ELOVL2: variants seen among roughly 807,000 people sequenced by gnomAD.
ELOVL2 encodes the protein ELOVL fatty acid elongase 2, also known as very long chain fatty acid elongase 2.
ELOVL2 carries 38 observed loss-of-function variants against 37.7 expected under a neutral mutation model. That is an observed-to-expected ratio of 1.01 (90% CI 0.78 to 1.32). The LOEUF is 1.32. Among genes scored for constraint, ELOVL2 ranks in the 40% most tolerant of loss-of-function variants. The probability of loss-of-function intolerance (pLI) is 0.00; values close to 1 mark genes in which losing one functional copy is unlikely to be tolerated. For missense variants in ELOVL2, 352 were observed against 363.6 expected, an observed-to-expected ratio of 0.97 and a Z score of 0.26; for synonymous variants, 115 against 122.3, an observed-to-expected ratio of 0.94 and a Z score of 0.40.
intron 1 of ELOVL2, among the ~76,000 whole-genome samples, chr6:11,038,838 A>G (rs1170840087): frequency 6.6e-6 from 1 of 152,226 alleles, no homozygotes; most frequent in Non-Finnish European, 1.5e-5. Context: ...AATTGTGATA[A>G]TTAAATAATT....
intron 1 of ELOVL2, among the ~76,000 whole-genome samples, chr6:11,025,712 T>C (rs1304941721): frequency 1.3e-5 from 2 of 151,944 alleles, no homozygotes; most frequent in African/African-American, 4.9e-5. Context: ...ATGTCTTCCC[T>C]TGTCTATTAG....
chr6:11,038,654 C>T (rs1259046720), intron 1 of ELOVL2, among the ~76,000 whole-genome samples: 2 of 152,000 alleles, frequency 1.3e-5, no homozygotes, highest in African/African-American at 4.8e-5. Context: ...TCATTAAAAA[C>T]TTATGATGAA....
At chr6:11,019,333 T>C (rs1330795766) in intron 1 of ELOVL2, among the ~76,000 whole-genome samples, 1 of 152,212 alleles carries the variant, frequency 6.6e-6, no homozygotes, top group Non-Finnish European at 1.5e-5. Flanking sequence ...TAGTATATTT[T>C]AAAATTTTGG....
At chr6:11,015,372 A>T (rs532999827) in intron 1 of ELOVL2, among the ~76,000 whole-genome samples, 1 of 152,240 alleles carries the variant, frequency 6.6e-6, no homozygotes, top group East Asian at 1.9e-4. Flanking sequence ...TGCAGAAAAG[A>T]CTCAAGACAA....
intron 1 of ELOVL2, among the ~76,000 whole-genome samples, chr6:11,042,174 G>T (rs147877695): frequency 1.3e-5 from 2 of 152,070 alleles, no homozygotes; most frequent in Non-Finnish European, 2.9e-5. Flanking sequence ...TTGGCCTGGT[G>T]TGGTGACGTG....
intron 1 of ELOVL2, among the ~76,000 whole-genome samples, chr6:11,018,889 T>A (rs957508917): frequency 2.0e-5 from 3 of 152,218 alleles, no homozygotes; most frequent in Non-Finnish European, 4.4e-5. Context: ...ATTTAGTAAT[T>A]AGTGGGCTAT....
intron 1 of ELOVL2, among the ~76,000 whole-genome samples, chr6:11,027,186 AAAAGT>A (rs1266003537): frequency 4.6e-5 from 7 of 152,246 alleles, no homozygotes; most frequent in Non-Finnish European, 8.8e-5. Context: ...AAATAACTTT[AAAAGT>A]ATAGTATAAA....
At chr6:11,031,644 G>GA (rs1467992909) in intron 1 of ELOVL2, among the ~76,000 whole-genome samples, 2 of 152,008 alleles carry the variant, frequency 1.3e-5, no homozygotes, top group African/African-American at 2.4e-5. Context: ...CCTTTAAAAA[G>GA]AAAAAATCTG....
At chr6:10,999,806 G>C (rs1251662662) in intron 4 of ELOVL2, among the ~76,000 whole-genome samples, 1 of 152,154 alleles carries the variant, frequency 6.6e-6, no homozygotes. Flanking sequence ...AGTTGCTTTT[G>C]TTCATGTAAC....
chr6:10,989,968 C>T, intron 6 of ELOVL2, 131 bp from the exon 7 acceptor site: 1 of 1,014,814 alleles, frequency 9.9e-7, no homozygotes, highest in Non-Finnish European at 1.4e-6. Flanking sequence ...AACAAAGCTG[C>T]TGAAGCAGCC....
chr6:11,012,339 C>T (rs1782599112), intron 1 of ELOVL2, among the ~76,000 whole-genome samples: 1 of 152,126 alleles, frequency 6.6e-6, no homozygotes, highest in Admixed American at 6.5e-5. Flanking sequence ...TAGGGCATCT[C>T]GGGAGGCCCC....
intron 1 of ELOVL2, among the ~76,000 whole-genome samples, chr6:11,021,356 TG>T (rs1340365716): frequency 1.3e-5 from 2 of 152,230 alleles, no homozygotes; most frequent in African/African-American, 4.8e-5. Context: ...AATAAGCATT[TG>T]TGAAAAGCGT....
At chr6:11,030,210 G>A (rs1782900846) in intron 1 of ELOVL2, among the ~76,000 whole-genome samples, 1 of 152,094 alleles carries the variant, frequency 6.6e-6, no homozygotes, top group Non-Finnish European at 1.5e-5. Flanking sequence ...CATGGATGTG[G>A]AGTCTGACCT....
At chr6:11,035,112 G>C (rs1443055119) in intron 1 of ELOVL2, among the ~76,000 whole-genome samples, 23 of 152,190 alleles carry the variant, frequency 1.5e-4, no homozygotes, top group Non-Finnish European at 2.9e-5. Flanking sequence ...TCAGAGTATA[G>C]TGTTCCATAA....
At chr6:11,007,800 G>A (rs1434416475) in intron 2 of ELOVL2, among the ~76,000 whole-genome samples, 2 of 152,170 alleles carry the variant, frequency 1.3e-5, no homozygotes, top group Non-Finnish European at 2.9e-5. Context: ...GTAGTGCTGA[G>A]TTAAGAGGAA....
chr6:11,003,947 G>A (rs1185303886), intron 3 of ELOVL2, among the ~76,000 whole-genome samples: 3 of 152,040 alleles, frequency 2.0e-5, no homozygotes, highest in African/African-American at 7.2e-5. Flanking sequence ...GCCAGGATTG[G>A]TGGTGGGTGC....
chr6:10,995,268 G>A, intron 4 of ELOVL2, 90 bp from the exon 5 acceptor site: 3 of 979,232 alleles, frequency 3.1e-6, no homozygotes, highest in East Asian at 2.5e-5. Context: ...TGCTGCCTGT[G>A]GTTTCCTGCT....
In ELOVL2 at chr6:10,983,574, C is replaced by T. The variant is rs940334645; in HGVS notation, c.*207G>A. On this transcript the variant is annotated 3_prime_UTR_variant, in exon 8 of 8. Transcript: ENST00000354666. ...GAAGCTGCACCAGTTCTGAGGTCCT[C>T]GGAGGTGAGCATCACCTCAATGCTG... is the stretch of plus-strand genomic sequence containing the variant. 2.4e-5 allele frequency: 11 copies of T among 464,534 alleles called. No individual in the cohort carries two copies. The highest frequency in any genetic ancestry group is 4.1e-5 in the East Asian group (1 of 24,146). 28.8% of individuals were successfully genotyped at this position (464,534 alleles called of 1,614,324 possible).
chr6:11,034,824 G>A (rs1288128374), intron 1 of ELOVL2, among the ~76,000 whole-genome samples: 1 of 151,950 alleles, frequency 6.6e-6, no homozygotes, highest in Non-Finnish European at 1.5e-5. Context: ...CCAACATGGT[G>A]AAACCCAGTC....
Sources: gnomAD v4.1 joint callset for allele counts (sites outside exome capture counted in the v4.1 genomes callset) on GRCh38, gnomAD v4.1.1 for gene constraint, MANE v1.5 for transcripts, NCBI Gene and HGNC (gene_info 2026-07-23, HGNC 2026-07-21) for gene names.